Variants in GALNT13 observed in about 807,000 individuals in gnomAD.
GALNT13 encodes the protein UDP-GalNAc:polypeptide N-acetylgalactosaminyltransferase 13.
GALNT13 carries 28 observed loss-of-function variants against 64.2 expected under a neutral mutation model. The ratio of observed to expected loss-of-function variants is 0.44; its 90% CI spans 0.32 to 0.60. GALNT13 has a LOEUF of 0.60. Ranked by LOEUF, GALNT13 falls within the 20% of genes least tolerant of loss-of-function variation. The probability of loss-of-function intolerance (pLI) is 0.05; values close to 1 mark genes in which losing one functional copy is unlikely to be tolerated. For synonymous variants in GALNT13, 214 were observed against 224.6 expected, an observed-to-expected ratio of 0.95 and a Z score of 0.42; for missense variants, 577 against 669.8, an observed-to-expected ratio of 0.86 and a Z score of 1.53.
chr2:154,402,353 T>TA (rs977549580), intron 10 of GALNT13, among the ~76,000 whole-genome samples: 47 of 152,246 alleles, frequency 3.1e-4, no homozygotes, highest in African/African-American at 1.1e-3. Flanking sequence ...ATATAAGTGA[T>TA]ACGAACACTA....
chr2:153,556,653 T>C, the GALNT13 span, among the ~76,000 whole-genome samples: 85 of 152,324 alleles, frequency 5.6e-4, 1 homozygote, highest in East Asian at 0.014. Flanking sequence ...CAGCAGGTAA[T>C]ACAAGTGTGT....
chr2:153,565,310 A>G, the GALNT13 span, among the ~76,000 whole-genome samples: 1 of 152,206 alleles, frequency 6.6e-6, no homozygotes, highest in Non-Finnish European at 1.5e-5. Context: ...TGATCTCAGT[A>G]ATGGCTGGAA....
chr2:154,059,289 T>G (rs2105363422), intron 3 of GALNT13, among the ~76,000 whole-genome samples: 1 of 152,302 alleles, frequency 6.6e-6, no homozygotes, highest in Admixed American at 6.5e-5. Flanking sequence ...TAAAAATAAC[T>G]AGGGAAAATA....
At chr2:153,977,503 C>G (rs1694157854) in intron 3 of GALNT13, among the ~76,000 whole-genome samples, 1 of 152,126 alleles carries the variant, frequency 6.6e-6, no homozygotes, top group African/African-American at 2.4e-5. Flanking sequence ...AAATCACTAA[C>G]TCACTATCAG....
chr2:153,826,157 C>A, the GALNT13 span, among the ~76,000 whole-genome samples: 14 of 152,202 alleles, frequency 9.2e-5, no homozygotes, highest in Middle Eastern at 0.02. Flanking sequence ...CTGGTGAGGG[C>A]CTTCTTTCTG....
chr2:154,105,562 G>A (rs1271945628), intron 3 of GALNT13, among the ~76,000 whole-genome samples: 1 of 152,094 alleles, frequency 6.6e-6, no homozygotes. Flanking sequence ...ATTTATGTAA[G>A]TACACTCTAT....
chr2:154,211,852 A>G (rs1687792605), intron 4 of GALNT13, among the ~76,000 whole-genome samples: 1 of 151,994 alleles, frequency 6.6e-6, no homozygotes, highest in Admixed American at 6.6e-5. Context: ...GAAATTCAAT[A>G]TTAGCCTTGA....
chr2:153,123,656 T>C, the GALNT13 span, among the ~76,000 whole-genome samples: 5 of 152,202 alleles, frequency 3.3e-5, no homozygotes, highest in Non-Finnish European at 5.9e-5. Context: ...GCTAACTACA[T>C]AGGATATAAT....
chr2:153,153,451 G>A, the GALNT13 span, among the ~76,000 whole-genome samples: 42 of 151,872 alleles, frequency 2.8e-4, no homozygotes, highest in African/African-American at 9.6e-4. Context: ...CATCCTATTC[G>A]TGAAATCTTT....
the GALNT13 span, among the ~76,000 whole-genome samples, chr2:153,450,386 GA>G: frequency 8.7e-5 from 13 of 149,836 alleles, no homozygotes; most frequent in African/African-American, 2.4e-4. Context: ...CAGTTTGAAT[GA>G]AAAAAAAATG....
chr2:153,268,541 A>G, the GALNT13 span, among the ~76,000 whole-genome samples: 1 of 152,142 alleles, frequency 6.6e-6, no homozygotes, highest in African/African-American at 2.4e-5. Flanking sequence ...TGGATCTACT[A>G]TGCTGGGGTC....
intron 2 of GALNT13, among the ~76,000 whole-genome samples, chr2:153,930,228 C>G (rs992117567): frequency 1.3e-5 from 2 of 152,028 alleles, no homozygotes; most frequent in Admixed American, 1.3e-4. Flanking sequence ...CTTATAGATT[C>G]TGAATATTAG....
At chr2:153,611,933 A>C in the GALNT13 span, among the ~76,000 whole-genome samples, 2 of 146,502 alleles carry the variant, frequency 1.4e-5, no homozygotes, top group Admixed American at 7.0e-5. Flanking sequence ...TTCAACTCCC[A>C]CTTATGAGTG....
chr2:153,934,645 G>A (rs1690771075), intron 2 of GALNT13, among the ~76,000 whole-genome samples: 1 of 152,168 alleles, frequency 6.6e-6, no homozygotes, highest in African/African-American at 2.4e-5. Flanking sequence ...GACTATAAAA[G>A]TACAATATAT....
the GALNT13 span, among the ~76,000 whole-genome samples, chr2:153,643,805 CATTT>C: frequency 2.0e-5 from 3 of 151,894 alleles, no homozygotes; most frequent in African/African-American, 7.2e-5. Flanking sequence ...ATTATAAAAT[CATTT>C]AATGTAATTT....
At chr2:154,441,852 A>AT (rs1344397939) in intron 12 of GALNT13, 2 of 152,086 alleles carry the variant, frequency 1.3e-5, no homozygotes, top group Admixed American at 6.6e-5. Flanking sequence ...TTCAACACGT[A>AT]TTTATCTGTT....
the GALNT13 span, among the ~76,000 whole-genome samples, chr2:153,853,140 C>T: frequency 2.0e-5 from 3 of 152,078 alleles, no homozygotes; most frequent in East Asian, 1.9e-4. Context: ...GCATCTAGCA[C>T]GAGAGAATGA....
the GALNT13 span, among the ~76,000 whole-genome samples, chr2:153,848,224 A>C: frequency 0.45 from 68,248 of 151,906 alleles, 15,770 homozygotes; most frequent in Middle Eastern, 0.6. Context: ...ACAGATTTTC[A>C]TATTGGTGAC....
intron 1 of GALNT13, among the ~76,000 whole-genome samples, chr2:153,884,499 C>T (rs368560965): frequency 6.6e-6 from 1 of 151,694 alleles, no homozygotes; most frequent in East Asian, 2.0e-4. Flanking sequence ...GCACTTTTGT[C>T]ACTGAACGTG....
Sources: allele counts gnomAD v4.1 joint callset (sites outside exome capture counted in the v4.1 genomes callset), GRCh38; gene constraint gnomAD v4.1.1; transcripts MANE v1.5; gene names NCBI Gene and HGNC (gene_info 2026-07-23, HGNC 2026-07-21).